SEMA4D: variants seen among roughly 807,000 people sequenced by gnomAD.
The protein encoded by SEMA4D is semaphorin-4D.
A neutral mutation model predicts 74.8 loss-of-function variants in SEMA4D; 22 were observed. The ratio of observed to expected loss-of-function variants is 0.29; its 90% CI spans 0.21 to 0.42. SEMA4D has a LOEUF of 0.42. Among genes scored for constraint, SEMA4D ranks in the 10% least tolerant of loss-of-function variants. The pLI, the probability that SEMA4D is intolerant of heterozygous loss-of-function variation, is 1.00. For synonymous variants in SEMA4D, 445 were observed against 463.7 expected (o/e 0.96, Z 0.52); for missense variants, 937 against 1,118.4 (o/e 0.84, Z 2.31).
At chr9:89,467,510 A>T (rs903041908) in intron 1 of SEMA4D, among the ~76,000 whole-genome samples, 1 of 149,786 alleles carries the variant, frequency 6.7e-6, no homozygotes, top group African/African-American at 2.5e-5. Context: ...GGGGAGGGGG[A>T]ACCACACCTG....
At chr9:89,461,867 T>A (rs1312981086) in intron 1 of SEMA4D, among the ~76,000 whole-genome samples, 1 of 151,884 alleles carries the variant, frequency 6.6e-6, no homozygotes, top group African/African-American at 2.4e-5. Context: ...TACGCCCGGC[T>A]AATTTTTGTA....
chr9:89,406,475 C>T (rs1843348127), intron 2 of SEMA4D, among the ~76,000 whole-genome samples: 1 of 152,204 alleles, frequency 6.6e-6, no homozygotes, highest in African/African-American at 2.4e-5. Context: ...GCCTCCTGGC[C>T]CCATCTCTCA....
exon 19 of SEMA4D, chr9:89,361,272 T>C (rs193068210): frequency 3.3e-5 from 5 of 152,318 alleles, no homozygotes; most frequent in Admixed American, 6.5e-5. Context: ...TAGCAGGCGA[T>C]GTATGCTGAT....
intron 1 of SEMA4D, among the ~76,000 whole-genome samples, chr9:89,489,254 A>G (rs1446812549): frequency 6.6e-6 from 1 of 152,236 alleles, no homozygotes; most frequent in Non-Finnish European, 1.5e-5. Flanking sequence ...AAACCCTGTA[A>G]TTCCACTTGT....
At chr9:89,433,031 C>G (rs905179479) in intron 2 of SEMA4D, among the ~76,000 whole-genome samples, 2 of 152,258 alleles carry the variant, frequency 1.3e-5, no homozygotes, top group Admixed American at 6.5e-5. Context: ...AGTGAGAACA[C>G]AAGAGCGTCT....
intron 2 of SEMA4D, among the ~76,000 whole-genome samples, chr9:89,417,838 GCAGAGCAAGAA>G (rs1039376034): frequency 3.9e-5 from 6 of 152,208 alleles, no homozygotes; most frequent in African/African-American, 1.4e-4. Flanking sequence ...ACAAGCAGTG[GCAGAGCAAGAA>G]CAGAGACAGA....
At chr9:89,419,622 T>C (rs1353912465) in intron 2 of SEMA4D, among the ~76,000 whole-genome samples, 1 of 152,052 alleles carries the variant, frequency 6.6e-6, no homozygotes, top group Admixed American at 6.6e-5. Context: ...ATTTTAAAAC[T>C]AAAAAACTGG....
At chr9:89,495,042 T>G (rs530469637) in intron 1 of SEMA4D, among the ~76,000 whole-genome samples, 1 of 152,274 alleles carries the variant, frequency 6.6e-6, no homozygotes, top group East Asian at 1.9e-4. Context: ...CCAGAAATCT[T>G]GGGGTGCCAC....
At chr9:89,496,833 C>T (rs1564024220) in intron 1 of SEMA4D, among the ~76,000 whole-genome samples, 1 of 152,190 alleles carries the variant, frequency 6.6e-6, no homozygotes, top group Non-Finnish European at 1.5e-5. Flanking sequence ...GTCACGTCAC[C>T]CCCAGGAAAG....
chr9:89,422,997 A>C (rs913258609), intron 2 of SEMA4D, among the ~76,000 whole-genome samples: 4 of 152,210 alleles, frequency 2.6e-5, no homozygotes, highest in African/African-American at 4.8e-5. Context: ...TGCCTTTCTT[A>C]AACAGAGGCT....
chr9:89,480,607 G>T (rs185452281), intron 1 of SEMA4D, among the ~76,000 whole-genome samples: 2 of 152,216 alleles, frequency 1.3e-5, no homozygotes, highest in African/African-American at 2.4e-5. Context: ...GCACAGCGCC[G>T]GTGGGCCAGC....
chr9:89,471,559 T>A (rs1179530428), intron 1 of SEMA4D, among the ~76,000 whole-genome samples: 2 of 152,252 alleles, frequency 1.3e-5, no homozygotes, highest in Admixed American at 6.5e-5. Flanking sequence ...ATCTTTATCA[T>A]ACACACTGGC....
chr9:89,409,909 T>C (rs1464066742), intron 2 of SEMA4D, among the ~76,000 whole-genome samples: 1 of 152,118 alleles, frequency 6.6e-6, no homozygotes, highest in African/African-American at 2.4e-5. Flanking sequence ...AACACAGAGA[T>C]TTATTTCAAC....
In SEMA4D at chr9:89,388,977, G is replaced by A. The variant is rs150351780; in HGVS notation, c.845C>T (p.Ser282Phe). 96 of 1,613,972 alleles carry A rather than the reference G, an allele frequency of 5.9e-5. No individual in the cohort carries two copies. Among genetic ancestry groups the A allele is most frequent in the African/African-American group, 8.0e-5 (6 of 74,882 alleles). The change falls in exon 10 of 16, where the codon TCC becomes TTC. Residue 282 changes from serine to phenylalanine, a missense_variant. Physicochemically the swap from Ser to Phe is radical, Grantham distance 155. Coordinates refer to ENST00000422704, the MANE Select transcript of SEMA4D (RefSeq NM_001371194.2). ...GAAGACCAAGCCGCTGTCTGGCCGG[G>A]AGCAGATGAGTCGGGCTTTCAGGAA... ...TSFLKARLIC[S>F]RPDSGLVFNV...
chr9:89,382,873 T>C (rs1837467486), intron 13 of SEMA4D, among the ~76,000 whole-genome samples: 1 of 151,780 alleles, frequency 6.6e-6, no homozygotes, highest in African/African-American at 2.4e-5. Context: ...AAGAGAGGCT[T>C]GAGGGTAGCT....
chr9:89,487,836 T>G (rs555559860), intron 1 of SEMA4D, among the ~76,000 whole-genome samples: 68 of 152,266 alleles, frequency 4.5e-4, no homozygotes, highest in African/African-American at 1.5e-3. Flanking sequence ...TACAAAACAC[T>G]GCTGAAAGAA....
chr9:89,433,415 GGAGGGCTCTCCAATCAGCAGA>G (rs1400453836), intron 2 of SEMA4D, among the ~76,000 whole-genome samples: 1 of 152,174 alleles, frequency 6.6e-6, no homozygotes, highest in Non-Finnish European at 1.5e-5. Context: ...CAATCGGCAG[GGAGGGCTCTCCAATCAGCAGA>G]GAGGGGCTCC....
At chr9:89,447,255 C>T (rs1853138625) in intron 2 of SEMA4D, among the ~76,000 whole-genome samples, 1 of 152,050 alleles carries the variant, frequency 6.6e-6, no homozygotes, top group African/African-American at 2.4e-5. Flanking sequence ...CCTGGGAGAC[C>T]TCCATATCCC....
At chr9:89,364,054 G>A in intron 16 of SEMA4D, 1 of 1,601,410 alleles carries the variant, frequency 6.2e-7, no homozygotes, top group Non-Finnish European at 8.5e-7. Flanking sequence ...AGTTGGACCT[G>A]AAGTGACTTG....
Sources: gnomAD v4.1 joint callset for allele counts (sites outside exome capture counted in the v4.1 genomes callset) on GRCh38, gnomAD v4.1.1 for gene constraint, MANE v1.5 for transcripts, NCBI Gene and HGNC (gene_info 2026-07-23, HGNC 2026-07-21) for gene names.